Variants in STK3 observed in about 807,000 individuals in gnomAD.
STK3 encodes serine/threonine kinase 3, also known as serine/threonine-protein kinase 3.
Under a neutral mutation model 58.0 loss-of-function variants are expected in STK3, and 41 were observed. The observed-to-expected ratio is 0.71, with a 90% CI of 0.55 to 0.92. STK3 has a LOEUF of 0.92. STK3 is among the 40% of genes least tolerant of loss of function. The pLI is 0.00. For synonymous variants in STK3, 170 were observed against 191.0 expected, an observed-to-expected ratio of 0.89 and a Z score of 0.91; for missense variants, 479 against 602.7, an observed-to-expected ratio of 0.79 and a Z score of 2.15.
At chr8:98,735,302 G>C (rs1015783993) in intron 4 of STK3, among the ~76,000 whole-genome samples, 3 of 152,060 alleles carry the variant, frequency 2.0e-5, no homozygotes, top group Non-Finnish European at 4.4e-5. Flanking sequence ...CTGGGCAACT[G>C]CAACTACTCT....
intron 6 of STK3, among the ~76,000 whole-genome samples, chr8:98,671,515 T>C (rs373475699): frequency 1.2e-4 from 18 of 152,290 alleles, no homozygotes; most frequent in African/African-American, 4.3e-4. Context: ...AAGAACTCAC[T>C]GACACAGTTA....
chr8:98,779,874 CAATGAATGAATG>C (rs750252961), intron 1 of STK3, among the ~76,000 whole-genome samples: 76 of 150,938 alleles, frequency 5.0e-4, no homozygotes, highest in Non-Finnish European at 8.6e-4. Flanking sequence ...ATATATAAGT[CAATGAATGAATG>C]AATGAATGAA....
At chr8:98,887,668 T>C (rs777155790) in intron 1 of STK3, among the ~76,000 whole-genome samples, 1 of 151,896 alleles carries the variant, frequency 6.6e-6, no homozygotes, top group Non-Finnish European at 1.5e-5. Flanking sequence ...GAAATGGAGA[T>C]GACTGTAAAA....
At chr8:98,536,891 A>T (rs1193631084) in intron 9 of STK3, among the ~76,000 whole-genome samples, 1 of 152,208 alleles carries the variant, frequency 6.6e-6, no homozygotes, top group Non-Finnish European at 1.5e-5. Flanking sequence ...CTTGAAGTCC[A>T]CTATTATACA....
chr8:98,588,367 T>C (rs1185797595), intron 7 of STK3, among the ~76,000 whole-genome samples: 2 of 151,698 alleles, frequency 1.3e-5, no homozygotes, highest in African/African-American at 4.8e-5. Context: ...AAGCTTAGTT[T>C]GGCTGGATAT....
At chr8:98,436,078 C>T (rs144518624) in intron 2 of STK3, among the ~76,000 whole-genome samples, 217 of 152,260 alleles carry the variant, frequency 1.4e-3, no homozygotes, top group Non-Finnish European at 2.0e-3. Context: ...AATTCAGTGG[C>T]CTGTCCTCAA....
At chr8:98,383,768 A>C (rs1014952899) in intron 1 of STK3, among the ~76,000 whole-genome samples, 1 of 152,228 alleles carries the variant, frequency 6.6e-6, no homozygotes, top group Non-Finnish European at 1.5e-5. Flanking sequence ...TTTGCTTTAA[A>C]GTAAAACCAA....
At chr8:98,357,542 G>T in the STK3 span, among the ~76,000 whole-genome samples, 2 of 152,192 alleles carry the variant, frequency 1.3e-5, no homozygotes, top group Admixed American at 1.3e-4. Context: ...CACTGGCACT[G>T]GATGTGGCTG....
chr8:98,348,998 C>G, the STK3 span, among the ~76,000 whole-genome samples: 1 of 152,224 alleles, frequency 6.6e-6, no homozygotes. Flanking sequence ...AACTTGGAAG[C>G]AACCATGATG....
At chr8:98,461,317 T>G (rs1211773708) in intron 10 of STK3, among the ~76,000 whole-genome samples, 2 of 152,234 alleles carry the variant, frequency 1.3e-5, no homozygotes, top group African/African-American at 2.4e-5. Flanking sequence ...CCCTGCTCAC[T>G]TTTACTTTCC....
At chr8:98,438,339 C>T (rs1456461101) in intron 1 of STK3, 2 of 152,174 alleles carry the variant, frequency 1.3e-5, no homozygotes, top group African/African-American at 4.8e-5. Flanking sequence ...GCTCCCGAGT[C>T]TGAGGACTCA....
intron 6 of STK3, 86 bp from the exon 7 acceptor site, chr8:98,596,255 G>A: frequency 2.1e-6 from 3 of 1,435,280 alleles, no homozygotes; most frequent in South Asian, 3.0e-5. Flanking sequence ...CTTTTTATCA[G>A]ACTCTAAATT....
chr8:98,631,216 G>C (rs1310126199), intron 6 of STK3, among the ~76,000 whole-genome samples: 3 of 152,096 alleles, frequency 2.0e-5, no homozygotes, highest in Non-Finnish European at 4.4e-5. Context: ...AATGAAGAAC[G>C]AGCCGTTTAA....
At chr8:98,401,152 G>T (rs927601874), downstream of STK3, among the ~76,000 whole-genome samples, 2 of 152,118 alleles carry the variant, frequency 1.3e-5, no homozygotes, top group African/African-American at 4.8e-5. Context: ...CCCTGAAGAT[G>T]CCCGGCTGCC....
intron 10 of STK3, among the ~76,000 whole-genome samples, chr8:98,501,680 G>A (rs568164594): frequency 6.6e-6 from 1 of 152,158 alleles, no homozygotes; most frequent in Non-Finnish European, 1.5e-5. Flanking sequence ...CCGATTTCTT[G>A]TTTTCATCAG....
At chr8:98,832,277 T>C (rs1835563821) in intron 3 of STK3, among the ~76,000 whole-genome samples, 1 of 148,264 alleles carries the variant, frequency 6.7e-6, no homozygotes, top group Non-Finnish European at 1.5e-5. Context: ...TATATAGATA[T>C]CTATATATAT....
At chr8:98,384,948 G>A (rs77665925) in intron 1 of STK3, among the ~76,000 whole-genome samples, 8,239 of 152,176 alleles carry the variant, frequency 0.054, 570 homozygotes, top group East Asian at 0.16. Flanking sequence ...TTGGAAATTA[G>A]CTGAGTCCCT....
rs553899933 is a variant in STK3, at chr8:98,375,105, A to T, written n.112-3427T>A. Among the ~76,000 whole-genome samples the T allele has an allele frequency of 3.3e-5, 5 of 151,228 alleles. No individual in the cohort carries two copies. In the South Asian group the frequency reaches 1.1e-3, roughly 32 times the overall value. On this transcript the variant is annotated intron_variant and non_coding_transcript_variant, in intron 2 of 2. Transcript: ENST00000518704. ...AAAACAAACAACAAAAAAAAAAACT[A>T]TTAGCCAGGCATGGTGGCTCATGCC...
chr8:98,584,461 G>A (rs1462578627), intron 7 of STK3, among the ~76,000 whole-genome samples: 1 of 151,622 alleles, frequency 6.6e-6, no homozygotes, highest in Non-Finnish European at 1.5e-5. Context: ...GTATTCCATG[G>A]CATATATGTG....
Sources: allele counts gnomAD v4.1 joint callset (sites outside exome capture counted in the v4.1 genomes callset), GRCh38; gene constraint gnomAD v4.1.1; transcripts MANE v1.5; gene names NCBI Gene and HGNC (gene_info 2026-07-23, HGNC 2026-07-21).